Variants in AUH observed in about 807,000 individuals in gnomAD.
AUH encodes methylglutaconyl-CoA hydratase, mitochondrial.
A neutral mutation model predicts 42.3 loss-of-function variants in AUH; 29 were observed. The observed-to-expected ratio is 0.69, with a 90% confidence interval of 0.51 to 0.93. The LOEUF is 0.93. Among genes scored for constraint, AUH ranks in the 40% least tolerant of loss-of-function variants. The pLI, the probability that AUH is intolerant of heterozygous loss-of-function variation, is 0.00. For synonymous variants in AUH, 174 were observed against 166.4 expected, an observed-to-expected ratio of 1.05 and a Z score of -0.35; for missense variants, 452 against 438.1, an observed-to-expected ratio of 1.03 and a Z score of -0.28.
chr9:91,273,812 A>T (rs988881782), intron 6 of AUH, among the ~76,000 whole-genome samples: 2 of 152,234 alleles, frequency 1.3e-5, no homozygotes, highest in Non-Finnish European at 2.9e-5. Context: ...AGTGGTTTGC[A>T]TCTTAAAAGG....
At chr9:91,325,251 T>C in intron 4 of AUH, 67 bp downstream of exon 4, 2 of 1,297,232 alleles carry the variant, frequency 1.5e-6, no homozygotes, top group Non-Finnish European at 2.2e-6. Context: ...ATATAATGTG[T>C]AACTTTTTAA....
chr9:91,221,691 G>A (rs924051806), intron 6 of AUH, among the ~76,000 whole-genome samples: 3 of 152,116 alleles, frequency 2.0e-5, no homozygotes, highest in Non-Finnish European at 2.9e-5. Flanking sequence ...TAGGGACTTC[G>A]GGAGTTCATT....
intron 6 of AUH, among the ~76,000 whole-genome samples, chr9:91,285,202 T>C (rs558738853): frequency 6.9e-4 from 105 of 152,062 alleles, no homozygotes; most frequent in Middle Eastern, 6.8e-3. Context: ...CAGCAAACTA[T>C]TGCAAGGACA....
At chr9:91,329,630 T>C (rs904479669) in intron 3 of AUH, among the ~76,000 whole-genome samples, 1 of 152,180 alleles carries the variant, frequency 6.6e-6, no homozygotes, top group Non-Finnish European at 1.5e-5. Flanking sequence ...AGTTATAACT[T>C]AGATACAAGC....
intron 4 of AUH, among the ~76,000 whole-genome samples, chr9:91,303,143 T>C (rs539972279): frequency 5.8e-4 from 89 of 152,316 alleles, no homozygotes; most frequent in African/African-American, 1.9e-3. Context: ...GGCAGGCCCC[T>C]GGTTCACTTC....
At chr9:91,289,922 T>A (rs1826722666) in intron 6 of AUH, among the ~76,000 whole-genome samples, 1 of 152,202 alleles carries the variant, frequency 6.6e-6, no homozygotes, top group South Asian at 2.1e-4. Flanking sequence ...AGAACTGTAA[T>A]ATTAATTTAA....
chr9:91,229,999 T>G (rs1447310049), intron 6 of AUH, among the ~76,000 whole-genome samples: 1 of 151,954 alleles, frequency 6.6e-6, no homozygotes, highest in Non-Finnish European at 1.5e-5. Flanking sequence ...ATTTTTTCCT[T>G]CATTTCAACT....
intron 6 of AUH, among the ~76,000 whole-genome samples, chr9:91,266,974 A>G (rs1615811): frequency 0.66 from 99,631 of 152,100 alleles, 35,033 homozygotes; most frequent in East Asian, 0.95. Flanking sequence ...TATTTTGGTG[A>G]GAAGTCTGAG....
intron 6 of AUH, among the ~76,000 whole-genome samples, chr9:91,225,954 T>C (rs1439859162): frequency 1.3e-5 from 2 of 150,068 alleles, no homozygotes; most frequent in Non-Finnish European, 3.0e-5. Context: ...CTATCATTGT[T>C]GGACATTTGG....
At chr9:91,265,036 ATCT>A (rs1399896798) in intron 6 of AUH, among the ~76,000 whole-genome samples, 3 of 152,072 alleles carry the variant, frequency 2.0e-5, no homozygotes, top group African/African-American at 4.8e-5. Context: ...ATCTTTTATG[ATCT>A]TCTCTTAATC....
intron 6 of AUH, among the ~76,000 whole-genome samples, chr9:91,293,261 A>C (rs898359649): frequency 1.3e-5 from 2 of 152,204 alleles, no homozygotes; most frequent in African/African-American, 2.4e-5. Flanking sequence ...GAAATCAAAA[A>C]CTAGAAATGA....
intron 3 of AUH, among the ~76,000 whole-genome samples, chr9:91,334,806 C>T (rs1830583890): frequency 1.3e-5 from 2 of 152,142 alleles, no homozygotes; most frequent in Non-Finnish European, 1.5e-5. Flanking sequence ...TGATTTCAAT[C>T]GTTCCAATTT....
chr9:91,267,856 C>G (rs544057668), intron 6 of AUH, among the ~76,000 whole-genome samples: 12 of 152,258 alleles, frequency 7.9e-5, no homozygotes, highest in African/African-American at 2.9e-4. Flanking sequence ...AACACTACTA[C>G]CACCTTTTCC....
chr9:91,260,562 A>G (rs868307897), intron 6 of AUH, among the ~76,000 whole-genome samples: 1 of 152,212 alleles, frequency 6.6e-6, no homozygotes, highest in African/African-American at 2.4e-5. Flanking sequence ...AGGAAATAAT[A>G]TGAATACTTT....
intron 3 of AUH, among the ~76,000 whole-genome samples, chr9:91,350,243 GT>G (rs1324765476): frequency 6.6e-6 from 1 of 152,182 alleles, no homozygotes; most frequent in Non-Finnish European, 1.5e-5. Context: ...AAATGTCTAA[GT>G]GTATAAAATT....
chr9:91,351,280 C>G (rs985643214), intron 3 of AUH, among the ~76,000 whole-genome samples: 19 of 152,096 alleles, frequency 1.2e-4, no homozygotes, highest in African/African-American at 4.1e-4. Context: ...AACTTATTGG[C>G]ACAGACATAG....
intron 6 of AUH, among the ~76,000 whole-genome samples, chr9:91,270,331 A>G (rs1391763148): frequency 6.6e-6 from 1 of 152,178 alleles, no homozygotes; most frequent in Non-Finnish European, 1.5e-5. Context: ...CCCAGGCTGC[A>G]GAAACTCAAA....
chr9:91,332,917 C>T (rs1282119767), intron 3 of AUH, among the ~76,000 whole-genome samples: 114 of 152,130 alleles, frequency 7.5e-4, no homozygotes, highest in Non-Finnish European at 5.9e-5. Flanking sequence ...GTGCATCCTT[C>T]GTAGACCTCC....
chr9:91,329,661 T>C (rs1038055891), intron 3 of AUH, among the ~76,000 whole-genome samples: 1 of 152,212 alleles, frequency 6.6e-6, no homozygotes, highest in Admixed American at 6.5e-5. Flanking sequence ...ATATATGATT[T>C]ACAAATATTT....
Sources: allele counts gnomAD v4.1 joint callset (sites outside exome capture counted in the v4.1 genomes callset), GRCh38; gene constraint gnomAD v4.1.1; transcripts MANE v1.5; gene names NCBI Gene and HGNC (gene_info 2026-07-23, HGNC 2026-07-21).